The following EDIL3 variants were observed in gnomAD, a reference collection of about 807,000 sequenced individuals.
EDIL3 encodes EGF-like repeat and discoidin I-like domain-containing protein 3.
EDIL3 carries 37 observed loss-of-function variants against 67.4 expected under a neutral mutation model. That is an observed-to-expected ratio of 0.55 (90% CI 0.42 to 0.72). The LOEUF is 0.72. EDIL3 is among the 30% of genes least tolerant of loss of function. The probability of loss-of-function intolerance (pLI) is 0.00; values close to 1 mark genes in which losing one functional copy is unlikely to be tolerated. For missense variants in EDIL3, 527 were observed against 586.3 expected, an observed-to-expected ratio of 0.90 and a Z score of 1.04; for synonymous variants, 195 against 196.3, an observed-to-expected ratio of 0.99 and a Z score of 0.05.
chr5:84,351,605 T>C (rs767980643), intron 1 of EDIL3, among the ~76,000 whole-genome samples: 1 of 152,042 alleles, frequency 6.6e-6, no homozygotes, highest in Non-Finnish European at 1.5e-5. Context: ...CAGAAGTATA[T>C]ATGTTTACTC....
At chr5:84,168,266 A>G (rs749093130) in intron 4 of EDIL3, among the ~76,000 whole-genome samples, 1 of 152,106 alleles carries the variant, frequency 6.6e-6, no homozygotes, top group Non-Finnish European at 1.5e-5. Context: ...CTTGATTTAC[A>G]TACTTCTGTT....
chr5:84,165,362 C>T (rs1015431049), intron 4 of EDIL3, among the ~76,000 whole-genome samples: 7 of 152,044 alleles, frequency 4.6e-5, no homozygotes, highest in African/African-American at 1.4e-4. Context: ...TATTTAGAGC[C>T]ATCTCATCTA....
At chr5:84,282,727 C>T (rs1481994723) in intron 1 of EDIL3, among the ~76,000 whole-genome samples, 2 of 152,294 alleles carry the variant, frequency 1.3e-5, no homozygotes, top group Non-Finnish European at 2.9e-5. Context: ...GTTAAAGTCT[C>T]TACTGCTTAT....
At chr5:84,331,520 C>T (rs989521627) in intron 1 of EDIL3, among the ~76,000 whole-genome samples, 1 of 152,150 alleles carries the variant, frequency 6.6e-6, no homozygotes, top group African/African-American at 2.4e-5. Context: ...CTGCACTTCT[C>T]ATTCCTGCTG....
chr5:84,052,355 A>T (rs1253726643), intron 9 of EDIL3, among the ~76,000 whole-genome samples: 1 of 152,206 alleles, frequency 6.6e-6, no homozygotes, highest in Admixed American at 6.5e-5. Context: ...CTGCAAAAAC[A>T]TGCCAAATTG....
chr5:84,302,700 T>C (rs554169201), intron 1 of EDIL3, among the ~76,000 whole-genome samples: 6 of 152,348 alleles, frequency 3.9e-5, no homozygotes, highest in African/African-American at 1.4e-4. Context: ...TTTCCCAAAG[T>C]ACTTCCTGTA....
At chr5:84,255,925 TA>T (rs1467583534) in intron 1 of EDIL3, among the ~76,000 whole-genome samples, 2 of 152,164 alleles carry the variant, frequency 1.3e-5, no homozygotes, top group Non-Finnish European at 2.9e-5. Flanking sequence ...CAGGGAGGAT[TA>T]AAAAGTGCCA....
rs1012964537 is a variant in EDIL3 at position 84,255,602 on chromosome 5, G to A, written c.68-1390C>T. On this transcript the variant is annotated intron_variant, in intron 1 of 10. Coordinates refer to ENST00000296591, the MANE Select transcript of EDIL3 (RefSeq NM_005711.5). ...GCATCTGGGCACCAACTTCCTACTA[G>A]TTTGTATTTCTTAGTTATGTTATTC... is the stretch of plus-strand genomic sequence containing the variant. Among the ~76,000 whole-genome samples the A allele has an allele frequency of 5.3e-5, 8 of 152,208 alleles. No homozygotes were observed. In the South Asian group the frequency reaches 1.7e-3, roughly 32 times the overall value.
At chr5:84,365,266 T>G (rs1350288163) in intron 1 of EDIL3, among the ~76,000 whole-genome samples, 1 of 152,136 alleles carries the variant, frequency 6.6e-6, no homozygotes, top group Non-Finnish European at 1.5e-5. Flanking sequence ...CAAAAAACTT[T>G]CATGCTCATG....
At chr5:84,251,170 T>C (rs1196171398) in intron 2 of EDIL3, among the ~76,000 whole-genome samples, 2 of 152,200 alleles carry the variant, frequency 1.3e-5, no homozygotes, top group Non-Finnish European at 2.9e-5. Flanking sequence ...TGGAATGCAG[T>C]GGCACAATCT....
chr5:84,220,335 A>G (rs1440389062), intron 3 of EDIL3, among the ~76,000 whole-genome samples: 1 of 152,192 alleles, frequency 6.6e-6, no homozygotes, highest in African/African-American at 2.4e-5. Context: ...AAATATGTTT[A>G]TACAGAACAG....
intron 4 of EDIL3, among the ~76,000 whole-genome samples, chr5:84,145,500 T>C (rs1748275815): frequency 6.6e-6 from 1 of 151,992 alleles, no homozygotes; most frequent in Non-Finnish European, 1.5e-5. Context: ...TCAAGAAGGG[T>C]GGAAGGGGAC....
intron 1 of EDIL3, among the ~76,000 whole-genome samples, chr5:84,283,338 A>C (rs953682361): frequency 6.6e-5 from 10 of 152,192 alleles, no homozygotes; most frequent in Admixed American, 2.0e-4. Context: ...AACTGCTGTG[A>C]TTATGGTTGA....
chr5:84,059,326 C>A (rs1746502628), intron 9 of EDIL3, among the ~76,000 whole-genome samples: 1 of 152,000 alleles, frequency 6.6e-6, no homozygotes. Flanking sequence ...CTGCTGGAGC[C>A]CAGGAATTTA....
chr5:84,111,627 A>G (rs535216961), intron 5 of EDIL3, among the ~76,000 whole-genome samples: 4 of 152,336 alleles, frequency 2.6e-5, no homozygotes, highest in African/African-American at 9.6e-5. Flanking sequence ...ATAAACAAAC[A>G]CTTAAACAAG....
intron 4 of EDIL3, among the ~76,000 whole-genome samples, chr5:84,159,066 T>C (rs1748542440): frequency 6.6e-6 from 1 of 152,122 alleles, no homozygotes; most frequent in Non-Finnish European, 1.5e-5. Context: ...GTTTTAACGA[T>C]ATCCCCATTG....
intron 3 of EDIL3, among the ~76,000 whole-genome samples, chr5:84,205,899 T>C (rs1384842460): frequency 1.3e-5 from 2 of 150,360 alleles, no homozygotes; most frequent in Admixed American, 1.3e-4. Flanking sequence ...GGGTTTTTTG[T>C]GTCTCTATTT....
chr5:84,043,970 C>T (rs934287130), intron 9 of EDIL3, among the ~76,000 whole-genome samples: 1 of 152,000 alleles, frequency 6.6e-6, no homozygotes, highest in Non-Finnish European at 1.5e-5. Context: ...ATACATGTGC[C>T]AGGGTAGTTC....
intron 9 of EDIL3, among the ~76,000 whole-genome samples, chr5:84,002,298 AGCCATACGT>A (rs142014549): frequency 0.054 from 8,295 of 152,214 alleles, 456 homozygotes; most frequent in South Asian, 0.14. Flanking sequence ...TAATAATAAA[AGCCATACGT>A]GACACACTCA....
Sources: allele counts gnomAD v4.1 joint callset (sites outside exome capture counted in the v4.1 genomes callset), GRCh38; gene constraint gnomAD v4.1.1; transcripts MANE v1.5; gene names NCBI Gene and HGNC (gene_info 2026-07-23, HGNC 2026-07-21).